Variants in PDLIM5 observed in about 807,000 individuals in gnomAD.
The protein encoded by PDLIM5 is PDZ and LIM domain protein 5.
A neutral mutation model predicts 64.2 loss-of-function variants in PDLIM5; 34 were observed. The observed-to-expected ratio is 0.53, with a 90% CI of 0.40 to 0.71. The LOEUF (loss-of-function observed/expected upper bound fraction) is 0.71. Ranked by LOEUF, PDLIM5 falls within the 30% of genes least tolerant of loss-of-function variation. The pLI is 0.00. For synonymous variants in PDLIM5, 253 were observed against 269.1 expected (o/e 0.94, Z 0.59); for missense variants, 683 against 733.6 (o/e 0.93, Z 0.80).
rs148560588 is a variant in PDLIM5, at chr4:94,542,609, A to G, written c.248+18734A>G. Among the ~76,000 whole-genome samples the G allele has an allele frequency of 1.4e-4, 21 of 152,244 alleles. No homozygotes were observed. In the East Asian group the frequency reaches 3.5e-3, roughly 25 times the overall value. On this transcript the variant is annotated intron_variant, in intron 3 of 12. Transcript: ENST00000317968. ...GTGTCTCTTTGGGTTAGAAGAAGAA[A>G]TTGTTGTGCTTCAATAGTGTATACT...
chr4:94,525,274 A>T (rs1277782156), intron 3 of PDLIM5, among the ~76,000 whole-genome samples: 1 of 151,848 alleles, frequency 6.6e-6, no homozygotes, highest in Non-Finnish European at 1.5e-5. Flanking sequence ...CAAAAATTAG[A>T]TGGGTGTGGT....
At chr4:94,538,535 CCT>C (rs1360707663) in intron 3 of PDLIM5, among the ~76,000 whole-genome samples, 3 of 152,042 alleles carry the variant, frequency 2.0e-5, no homozygotes, top group Non-Finnish European at 4.4e-5. Flanking sequence ...ACCTTTCCAC[CCT>C]GTTGACCTTG....
chr4:94,462,558 GTA>G (rs201905883), intron 2 of PDLIM5, among the ~76,000 whole-genome samples: 5 of 151,574 alleles, frequency 3.3e-5, no homozygotes, highest in African/African-American at 9.7e-5. Flanking sequence ...GCCCATATAT[GTA>G]TATATATATG....
At chr4:94,511,933 A>G (rs1728917222) in intron 2 of PDLIM5, among the ~76,000 whole-genome samples, 1 of 152,262 alleles carries the variant, frequency 6.6e-6, no homozygotes, top group African/African-American at 2.4e-5. Context: ...GCTGCAACAA[A>G]CATGAAAGTG....
At chr4:94,601,600 T>C (rs886909940) in intron 7 of PDLIM5, among the ~76,000 whole-genome samples, 1 of 152,202 alleles carries the variant, frequency 6.6e-6, no homozygotes, top group Admixed American at 6.5e-5. Flanking sequence ...TGGGTAGTAT[T>C]TTCATGTTTG....
intron 7 of PDLIM5, among the ~76,000 whole-genome samples, chr4:94,588,460 G>A (rs1333769418): frequency 1.3e-5 from 2 of 152,136 alleles, no homozygotes; most frequent in East Asian, 3.9e-4. Context: ...GTACTCGGGA[G>A]GCTGAGGCAG....
chr4:94,502,737 C>T (rs549927793), intron 2 of PDLIM5, among the ~76,000 whole-genome samples: 2 of 151,882 alleles, frequency 1.3e-5, no homozygotes, highest in Non-Finnish European at 1.5e-5. Flanking sequence ...ATTAGCCGGG[C>T]GGGGTGGTAT....
At chr4:94,503,087 T>C (rs1219579008) in intron 2 of PDLIM5, among the ~76,000 whole-genome samples, 1 of 152,196 alleles carries the variant, frequency 6.6e-6, no homozygotes, top group Non-Finnish European at 1.5e-5. Flanking sequence ...AATGATTGTC[T>C]TTCTGTTTTC....
At position 94,524,140 on chromosome 4, in the gene PDLIM5, C is replaced by T. The variant is rs1032115162; in HGVS notation, c.248+265C>T. Among the ~76,000 whole-genome samples, 18 of 151,882 alleles carry T rather than the reference C, an allele frequency of 1.2e-4. 1 individual carries two copies. The highest frequency in any genetic ancestry group is 4.6e-4 in the Admixed American group (7 of 15,252). ...ATCCCAGCACTTTGGGAGGCCAAGGCGGGAGGATTGGTTGAGCTAAGGAGT... is the reference window on the plus strand; with the variant it reads ...ATCCCAGCACTTTGGGAGGCCAAGGTGGGAGGATTGGTTGAGCTAAGGAGT... On this transcript the variant is annotated intron_variant, in intron 3 of 12. Coordinates refer to ENST00000317968, the MANE Select transcript of PDLIM5 (RefSeq NM_006457.5).
intron 8 of PDLIM5, among the ~76,000 whole-genome samples, chr4:94,636,539 C>CTTTTTT (rs770256162): frequency 7.5e-6 from 1 of 133,880 alleles, no homozygotes; most frequent in South Asian, 2.4e-4. Flanking sequence ...AGAGTTCGTA[C>CTTTTTT]TTTTTTTTTT....
At chr4:94,462,114 CAGCCTCCCAA>C (rs1723943730) in intron 2 of PDLIM5, among the ~76,000 whole-genome samples, 1 of 152,202 alleles carries the variant, frequency 6.6e-6, no homozygotes, top group African/African-American at 2.4e-5. Flanking sequence ...CCAGCCACCT[CAGCCTCCCAA>C]AGTGCTGGGA....
chr4:94,497,691 A>C (rs1727527815), intron 2 of PDLIM5, among the ~76,000 whole-genome samples: 1 of 152,234 alleles, frequency 6.6e-6, no homozygotes, highest in African/African-American at 2.4e-5. Context: ...AGACAGAATG[A>C]AACAGCTTCA....
intron 7 of PDLIM5, among the ~76,000 whole-genome samples, chr4:94,603,503 A>G (rs187717034): frequency 2.0e-5 from 3 of 152,262 alleles, no homozygotes; most frequent in Admixed American, 6.5e-5. Context: ...AAACTGGGAA[A>G]ACTGGGACGT....
At chr4:94,663,638 T>C (rs1329611716) in intron 12 of PDLIM5, among the ~76,000 whole-genome samples, 1 of 152,186 alleles carries the variant, frequency 6.6e-6, no homozygotes, top group Non-Finnish European at 1.5e-5. Flanking sequence ...TAGGACGTTG[T>C]TTATAATTTG....
At chr4:94,468,658 CAA>C (rs1173450566) in intron 2 of PDLIM5, among the ~76,000 whole-genome samples, 1 of 152,094 alleles carries the variant, frequency 6.6e-6, no homozygotes, top group Admixed American at 6.6e-5. Context: ...GATGAGAAAT[CAA>C]AGACTCATGA....
At chr4:94,529,392 GAA>G (rs1227352893) in intron 3 of PDLIM5, among the ~76,000 whole-genome samples, 1 of 152,080 alleles carries the variant, frequency 6.6e-6, no homozygotes, top group East Asian at 1.9e-4. Context: ...TTTTTGAAAA[GAA>G]AATTACCAGT....
chr4:94,653,825 A>G (rs1368746354), intron 9 of PDLIM5, among the ~76,000 whole-genome samples: 2 of 152,154 alleles, frequency 1.3e-5, no homozygotes, highest in African/African-American at 2.4e-5. Flanking sequence ...TTTGAGTGAA[A>G]TGAAACCTTT....
At chr4:94,535,013 G>A (rs1731198671) in intron 3 of PDLIM5, among the ~76,000 whole-genome samples, 1 of 152,186 alleles carries the variant, frequency 6.6e-6, no homozygotes, top group South Asian at 2.1e-4. Flanking sequence ...GCCTTGCAGG[G>A]TCTTAGACAC....
chr4:94,576,652 A>G (rs1397801801), intron 5 of PDLIM5, among the ~76,000 whole-genome samples: 1 of 152,266 alleles, frequency 6.6e-6, no homozygotes, highest in Non-Finnish European at 1.5e-5. Flanking sequence ...GAAGCAAATT[A>G]TAAAATACTT....
Sources: gnomAD v4.1 joint callset for allele counts (sites outside exome capture counted in the v4.1 genomes callset) on GRCh38, gnomAD v4.1.1 for gene constraint, MANE v1.5 for transcripts, NCBI Gene and HGNC (gene_info 2026-07-23, HGNC 2026-07-21) for gene names.